Variants in CCDC178 observed in about 807,000 individuals in gnomAD.
The protein encoded by CCDC178 is coiled-coil domain containing 178.
Under a neutral mutation model 117.4 loss-of-function variants are expected in CCDC178, and 126 were observed. That is an observed-to-expected ratio of 1.07 (90% CI 0.93 to 1.24). The LOEUF is 1.24. Ranked by LOEUF, CCDC178 falls within the 50% of genes most tolerant of loss-of-function variation. The pLI, the probability that CCDC178 is intolerant of heterozygous loss-of-function variation, is 0.00. For synonymous variants in CCDC178, 283 were observed against 313.4 expected, an observed-to-expected ratio of 0.90 and a Z score of 1.02; for missense variants, 1,030 against 986.9, an observed-to-expected ratio of 1.04 and a Z score of -0.59.
chr18:32,980,826 CAT>C (rs1340188810), intron 21 of CCDC178, among the ~76,000 whole-genome samples: 4 of 152,104 alleles, frequency 2.6e-5, no homozygotes, highest in African/African-American at 9.7e-5. Context: ...AAATTAAACT[CAT>C]ATGCTGTTCA....
At chr18:33,035,286 A>G (rs2056422312) in intron 21 of CCDC178, among the ~76,000 whole-genome samples, 1 of 151,980 alleles carries the variant, frequency 6.6e-6, no homozygotes. Flanking sequence ...GAAAAACAGA[A>G]AAGCAGAAAT....
At chr18:32,960,437 A>G (rs894285866) in intron 22 of CCDC178, among the ~76,000 whole-genome samples, 5 of 152,132 alleles carry the variant, frequency 3.3e-5, no homozygotes, top group African/African-American at 1.2e-4. Flanking sequence ...ACTCAAAGGG[A>G]GATTTTGACA....
intron 15 of CCDC178, among the ~76,000 whole-genome samples, chr18:33,238,873 A>C (rs1051275297): frequency 7.9e-5 from 12 of 152,280 alleles, no homozygotes; most frequent in Non-Finnish European, 1.5e-4. Flanking sequence ...ATTTAAAAAG[A>C]GCAAGAGAAA....
At chr18:33,317,390 G>A (rs538148611) in intron 11 of CCDC178, among the ~76,000 whole-genome samples, 13 of 152,188 alleles carry the variant, frequency 8.5e-5, no homozygotes, top group African/African-American at 2.4e-4. Flanking sequence ...GAACACATCC[G>A]AACATCAGAA....
chr18:33,335,214 A>T (rs1316140641), intron 9 of CCDC178, among the ~76,000 whole-genome samples: 6 of 151,876 alleles, frequency 4.0e-5, no homozygotes, highest in Non-Finnish European at 7.4e-5. Context: ...ATACACTTTG[A>T]TAATTAATTA....
At chr18:33,006,685 T>A (rs2055757035) in intron 21 of CCDC178, among the ~76,000 whole-genome samples, 1 of 151,972 alleles carries the variant, frequency 6.6e-6, no homozygotes, top group South Asian at 2.1e-4. Flanking sequence ...GTCATTCCTG[T>A]GATTATGTTA....
intron 22 of CCDC178, among the ~76,000 whole-genome samples, chr18:32,944,918 C>T (rs769577198): frequency 3.6e-4 from 55 of 152,140 alleles, no homozygotes; most frequent in African/African-American, 1.2e-3. Context: ...TGCCTTCTGC[C>T]GTGACTGTGA....
intron 21 of CCDC178, among the ~76,000 whole-genome samples, chr18:33,041,780 A>T (rs943058066): frequency 1.3e-5 from 2 of 151,838 alleles, no homozygotes; most frequent in Non-Finnish European, 2.9e-5. Flanking sequence ...ATTGATTGGA[A>T]AGGTAAACAT....
At position 33,271,784 on chromosome 18, in the gene CCDC178, T is replaced by C. The variant is rs1599083515; in HGVS notation, c.1177-4487A>G. Among the ~76,000 whole-genome samples the C allele has an allele frequency of 4.0e-5, 6 of 151,604 alleles. No individual in the cohort carries two copies. In the South Asian group the frequency reaches 1.2e-3, roughly 31 times the overall value. The stretch of plus-strand genomic sequence containing the variant: ...ATAACAGAAGGAAATTCAAAACATA[T>C]GGACATTAAACAGTATGTTCCTTGA... On this transcript the variant is annotated intron_variant, in intron 12 of 22. Transcript: ENST00000383096.
At chr18:33,346,177 G>A (rs1248952316) in intron 9 of CCDC178, 34 bp downstream of exon 9, 1 of 1,480,352 alleles carries the variant, frequency 6.8e-7, no homozygotes, top group Non-Finnish European at 9.4e-7. Context: ...GCCCCCAACA[G>A]AATAAGAAGT....
At chr18:32,957,056 C>A (rs1238676199) in intron 22 of CCDC178, among the ~76,000 whole-genome samples, 1 of 152,158 alleles carries the variant, frequency 6.6e-6, no homozygotes, top group African/African-American at 2.4e-5. Context: ...CCAACCTCAG[C>A]CCTGGATTTT....
chr18:32,963,755 A>G (rs1231795303), intron 22 of CCDC178, among the ~76,000 whole-genome samples: 1 of 152,000 alleles, frequency 6.6e-6, no homozygotes, highest in Non-Finnish European at 1.5e-5. Context: ...TATTTACACA[A>G]TATATTGTGT....
At chr18:32,981,112 C>A (rs1227599029) in intron 21 of CCDC178, among the ~76,000 whole-genome samples, 1 of 151,964 alleles carries the variant, frequency 6.6e-6, no homozygotes, top group East Asian at 1.9e-4. Context: ...GGAGGCCAAG[C>A]CAAAGAGGAT....
intron 12 of CCDC178, among the ~76,000 whole-genome samples, chr18:33,282,473 C>G (rs2060036899): frequency 1.3e-5 from 2 of 152,150 alleles, no homozygotes. Flanking sequence ...CTATGCACTC[C>G]TTGGTCTGCT....
At chr18:33,089,592 G>A (rs2057431970) in intron 21 of CCDC178, among the ~76,000 whole-genome samples, 1 of 152,094 alleles carries the variant, frequency 6.6e-6, no homozygotes, top group African/African-American at 2.4e-5. Flanking sequence ...TTTACAAATG[G>A]CTAATTATAT....
intron 11 of CCDC178, among the ~76,000 whole-genome samples, chr18:33,298,579 G>A (rs566278003): frequency 1.3e-5 from 2 of 152,286 alleles, no homozygotes; most frequent in East Asian, 3.9e-4. Context: ...ACAAGACAAG[G>A]ACGTCCAGTC....
intron 21 of CCDC178, among the ~76,000 whole-genome samples, chr18:33,002,163 C>A (rs2055649550): frequency 6.6e-6 from 1 of 152,106 alleles, no homozygotes; most frequent in Admixed American, 6.5e-5. Context: ...GTAATTTCCA[C>A]TATAGGACAA....
Position 33,421,965 on chromosome 18 carries a change from GA to G in CCDC178, c.-22-9856del, listed in dbSNP as rs1461703492. Among the ~76,000 whole-genome samples, 4 of 152,096 alleles carry G rather than the reference GA, an allele frequency of 2.6e-5. No homozygotes were observed. In the East Asian group the frequency reaches 7.7e-4, roughly 29 times the overall value. ...CTCCTACTTCAGAAACGAAACAGAA[GA>G]AATCAGACTTAGATTTGAATTCACT... On this transcript the variant is annotated intron_variant, in intron 2 of 22. Coordinates refer to ENST00000383096, the MANE Select transcript of CCDC178 (RefSeq NM_001105528.4).
At chr18:33,222,057 G>A (rs2059241198) in intron 18 of CCDC178, among the ~76,000 whole-genome samples, 1 of 152,182 alleles carries the variant, frequency 6.6e-6, no homozygotes, top group Admixed American at 6.6e-5. Flanking sequence ...ACTAGTTTAA[G>A]CATGTTTATA....
Sources: gnomAD v4.1 joint callset for allele counts (sites outside exome capture counted in the v4.1 genomes callset) on GRCh38, gnomAD v4.1.1 for gene constraint, MANE v1.5 for transcripts, NCBI Gene and HGNC (gene_info 2026-07-23, HGNC 2026-07-21) for gene names.